Variants in NEGR1 observed in about 807,000 individuals in gnomAD.
NEGR1 encodes the protein neuronal growth regulator 1.
A neutral mutation model predicts 40.9 loss-of-function variants in NEGR1; 10 were observed. That is an observed-to-expected ratio of 0.24 (90% CI 0.15 to 0.42). NEGR1 has a LOEUF of 0.42. Ranked by LOEUF, NEGR1 falls within the 10% of genes least tolerant of loss-of-function variation. NEGR1 has a pLI of 1.00. For synonymous variants in NEGR1, 185 were observed against 166.8 expected (o/e 1.11, Z -0.84); for missense variants, 352 against 438.9 (o/e 0.80, Z 1.77).
At chr1:71,934,748 G>A (rs1645887882) in intron 2 of NEGR1, among the ~76,000 whole-genome samples, 1 of 152,116 alleles carries the variant, frequency 6.6e-6, no homozygotes, top group Non-Finnish European at 1.5e-5. Flanking sequence ...ATCTTTGTAA[G>A]TAGGGATTTG....
intron 6 of NEGR1, among the ~76,000 whole-genome samples, chr1:71,567,110 G>C (rs1648646369): frequency 6.6e-6 from 1 of 152,090 alleles, no homozygotes; most frequent in Admixed American, 6.5e-5. Context: ...AAAATTGGAG[G>C]AAAAGAGTGA....
At chr1:72,197,460 C>T (rs938168096) in intron 1 of NEGR1, among the ~76,000 whole-genome samples, 4 of 151,876 alleles carry the variant, frequency 2.6e-5, no homozygotes, top group African/African-American at 9.7e-5. Flanking sequence ...AACTTGATAG[C>T]CAATGAGCTA....
chr1:71,744,073 A>G (rs1283916360), intron 3 of NEGR1, among the ~76,000 whole-genome samples: 1 of 152,062 alleles, frequency 6.6e-6, no homozygotes, highest in Non-Finnish European at 1.5e-5. Context: ...GTGTATTTTT[A>G]TATCTGGGAA....
At chr1:71,482,942 T>C (rs1370683737) in intron 6 of NEGR1, among the ~76,000 whole-genome samples, 2 of 151,784 alleles carry the variant, frequency 1.3e-5, no homozygotes, top group Non-Finnish European at 2.9e-5. Flanking sequence ...ATAATTATTC[T>C]ATATAAGTGA....
At chr1:72,246,479 C>A (rs1178799419) in intron 1 of NEGR1, among the ~76,000 whole-genome samples, 2 of 152,158 alleles carry the variant, frequency 1.3e-5, no homozygotes, top group East Asian at 1.9e-4. Context: ...CTTTAGCCTG[C>A]CTAAAGATAG....
intron 1 of NEGR1, among the ~76,000 whole-genome samples, chr1:71,979,828 C>A (rs986078579): frequency 6.6e-6 from 1 of 151,794 alleles, no homozygotes; most frequent in Non-Finnish European, 1.5e-5. Flanking sequence ...GAGGGGTGGG[C>A]TGAAAAAAAG....
chr1:72,263,035 C>T (rs1213371054), intron 1 of NEGR1, among the ~76,000 whole-genome samples: 1 of 151,614 alleles, frequency 6.6e-6, no homozygotes, highest in African/African-American at 2.4e-5. Context: ...GTTTCTTGTT[C>T]TTCAAAGAGG....
intron 1 of NEGR1, among the ~76,000 whole-genome samples, chr1:72,262,579 C>G (rs182107860): frequency 7.2e-5 from 11 of 151,960 alleles, no homozygotes; most frequent in Admixed American, 6.6e-4. Context: ...CTCTCATATA[C>G]TAAATGCTCA....
chr1:72,228,339 C>T (rs1305154598), intron 1 of NEGR1, among the ~76,000 whole-genome samples: 1 of 152,124 alleles, frequency 6.6e-6, no homozygotes, highest in African/African-American at 2.4e-5. Context: ...CTTTTGCTTC[C>T]CGCATACCTG....
Position 72,208,951 on chromosome 1 carries a change from AT to A in NEGR1, c.176+73367del, listed in dbSNP as rs1337260656. On this transcript the variant is annotated intron_variant, in intron 1 of 6. Coordinates refer to ENST00000357731, the MANE Select transcript of NEGR1 (RefSeq NM_173808.3). ...TCATCAGTTAAAAAAATAGAAAAAA[AT>A]ATTGTAAGTTTCTTGCTTGTCTCTT... is the stretch of plus-strand genomic sequence containing the variant. Among the ~76,000 whole-genome samples the A allele has an allele frequency of 2.4e-4, 37 of 151,642 alleles. 1 individual carries two copies. The highest frequency in any genetic ancestry group is 4.4e-5 in the Non-Finnish European group (3 of 67,682).
chr1:71,459,537 G>A (rs771027882), intron 6 of NEGR1, among the ~76,000 whole-genome samples: 2 of 152,048 alleles, frequency 1.3e-5, no homozygotes, highest in Admixed American at 6.6e-5. Flanking sequence ...CTGCCATGCC[G>A]TTATCCATGC....
chr1:72,209,572 A>G (rs966470004), intron 1 of NEGR1, among the ~76,000 whole-genome samples: 6 of 151,868 alleles, frequency 4.0e-5, no homozygotes, highest in Admixed American at 3.3e-4. Flanking sequence ...TTCAGCCATA[A>G]TGTAAGAAAT....
At chr1:72,161,025 T>G (rs1278190117) in intron 1 of NEGR1, among the ~76,000 whole-genome samples, 1 of 152,198 alleles carries the variant, frequency 6.6e-6, no homozygotes, top group African/African-American at 2.4e-5. Flanking sequence ...GGTGGATTCT[T>G]TAATTACATA....
At chr1:71,769,510 G>T (rs924987927) in intron 3 of NEGR1, among the ~76,000 whole-genome samples, 9 of 152,166 alleles carry the variant, frequency 5.9e-5, no homozygotes, top group Non-Finnish European at 8.8e-5. Context: ...GTAATTGAAT[G>T]GTGAGGGTGG....
chr1:72,049,427 T>C (rs915758112), intron 1 of NEGR1, among the ~76,000 whole-genome samples: 12 of 151,628 alleles, frequency 7.9e-5, no homozygotes, highest in African/African-American at 2.9e-4. Flanking sequence ...GCAGAGAAAA[T>C]AGTAAGTACA....
At chr1:71,735,043 C>T (rs937323206) in intron 3 of NEGR1, among the ~76,000 whole-genome samples, 6 of 152,020 alleles carry the variant, frequency 3.9e-5, no homozygotes, top group Non-Finnish European at 7.4e-5. Context: ...TTTTAATTTG[C>T]CAACTTCCAA....
At chr1:71,856,482 T>C (rs965818847) in intron 2 of NEGR1, among the ~76,000 whole-genome samples, 2 of 152,102 alleles carry the variant, frequency 1.3e-5, no homozygotes, top group Non-Finnish European at 2.9e-5. Flanking sequence ...ATACAGTGAC[T>C]AGAAAGATAT....
At chr1:71,969,963 T>C (rs926742775) in intron 1 of NEGR1, among the ~76,000 whole-genome samples, 1 of 152,218 alleles carries the variant, frequency 6.6e-6, no homozygotes, top group Non-Finnish European at 1.5e-5. Flanking sequence ...ATATATTGCA[T>C]AGCTGTATTG....
chr1:72,024,348 A>G (rs995899291), intron 1 of NEGR1, among the ~76,000 whole-genome samples: 1 of 151,948 alleles, frequency 6.6e-6, no homozygotes, highest in African/African-American at 2.4e-5. Context: ...TGAGCATCCT[A>G]GGGTTTATAA....
Sources: allele counts gnomAD v4.1 joint callset (sites outside exome capture counted in the v4.1 genomes callset), GRCh38; gene constraint gnomAD v4.1.1; transcripts MANE v1.5; gene names NCBI Gene and HGNC (gene_info 2026-07-23, HGNC 2026-07-21).